Variants in PLXDC2 observed in about 807,000 individuals in gnomAD.
PLXDC2 encodes the protein plexin domain-containing protein 2.
A neutral mutation model predicts 68.9 loss-of-function variants in PLXDC2; 40 were observed. That is an observed-to-expected ratio of 0.58 (90% CI 0.45 to 0.76). PLXDC2 has a LOEUF of 0.76. Among genes scored for constraint, PLXDC2 ranks in the 30% least tolerant of loss-of-function variants. The pLI is 0.00. For missense variants in PLXDC2, 644 were observed against 661.9 expected (o/e 0.97, Z 0.30); for synonymous variants, 243 against 234.2 (o/e 1.04, Z -0.34).
chr10:20,152,586 A>T (rs1208789237), intron 6 of PLXDC2, among the ~76,000 whole-genome samples: 2 of 152,152 alleles, frequency 1.3e-5, no homozygotes, highest in Admixed American at 1.3e-4. Context: ...ACTGTTCATT[A>T]TAATGCATTT....
intron 3 of PLXDC2, among the ~76,000 whole-genome samples, chr10:20,048,912 G>A (rs893410183): frequency 2.0e-4 from 30 of 152,136 alleles, no homozygotes; most frequent in African/African-American, 7.2e-4. Flanking sequence ...TAGTGTGGCA[G>A]TGACGTTGTT....
intron 1 of PLXDC2, among the ~76,000 whole-genome samples, chr10:19,979,861 G>C (rs1180002565): frequency 6.6e-6 from 1 of 152,184 alleles, no homozygotes; most frequent in African/African-American, 2.4e-5. Flanking sequence ...TTTCCACAGT[G>C]GAGAAATGAC....
At chr10:19,843,881 G>A (rs981409290) in intron 1 of PLXDC2, among the ~76,000 whole-genome samples, 12 of 152,176 alleles carry the variant, frequency 7.9e-5, no homozygotes, top group African/African-American at 2.9e-4. Flanking sequence ...GGTGACTGTA[G>A]TTAGCAAAAC....
At chr10:20,261,855 A>AAAT (rs34676534) in intron 13 of PLXDC2, among the ~76,000 whole-genome samples, 5 of 151,236 alleles carry the variant, frequency 3.3e-5, no homozygotes, top group East Asian at 2.0e-4. Flanking sequence ...ACTCCATCTC[A>AAAT]AATAATAATA....
At chr10:20,185,122 A>C (rs1410260129) in intron 9 of PLXDC2, among the ~76,000 whole-genome samples, 1 of 147,962 alleles carries the variant, frequency 6.8e-6, no homozygotes, top group Non-Finnish European at 1.5e-5. Context: ...CTAGGCAACA[A>C]ACCTGCACAT....
intron 1 of PLXDC2, among the ~76,000 whole-genome samples, chr10:19,976,199 GTTGT>G (rs982855109): frequency 2.0e-5 from 3 of 151,832 alleles, no homozygotes; most frequent in South Asian, 2.1e-4. Context: ...TAATTTTTTT[GTTGT>G]TTGTTTTTTT....
rs1001763054 is a variant in PLXDC2 at position 20,283,827 on chromosome 10, T to C, written c.*4008T>C. 4.6e-5 allele frequency: 7 copies of C among 152,224 alleles called. No individual in the cohort carries two copies. Among genetic ancestry groups the C allele is most frequent in the African/African-American group, 1.7e-4 (7 of 41,464 alleles). The allele number at this position is 152,224 out of a possible 1,614,324, so 9.4% of individuals were successfully genotyped here. Reference sequence around the variant, plus strand: ...CTGTAACACTAAGGAGCTATGGCATTAAAATATAAAACTATTTGGAACTTA... The same window carrying C: ...CTGTAACACTAAGGAGCTATGGCATCAAAATATAAAACTATTTGGAACTTA... On this transcript the variant is annotated 3_prime_UTR_variant, in exon 14 of 14. Coordinates refer to ENST00000377252, the MANE Select transcript of PLXDC2 (RefSeq NM_032812.9).
At chr10:19,978,630 A>G (rs1367920191) in intron 1 of PLXDC2, among the ~76,000 whole-genome samples, 3 of 152,240 alleles carry the variant, frequency 2.0e-5, no homozygotes, top group African/African-American at 7.2e-5. Context: ...TTAGAGTTTC[A>G]GAAATATAGC....
chr10:19,994,447 G>C (rs1259412921), intron 1 of PLXDC2, among the ~76,000 whole-genome samples: 2 of 148,002 alleles, frequency 1.4e-5, no homozygotes, highest in African/African-American at 5.0e-5. Context: ...TCCAACCTCA[G>C]CCTCCCACAT....
chr10:19,968,988 T>C (rs867013927), intron 1 of PLXDC2, among the ~76,000 whole-genome samples: 51 of 152,334 alleles, frequency 3.3e-4, no homozygotes, highest in African/African-American at 1.1e-3. Flanking sequence ...CAAATTAGCT[T>C]CTTTGCTGAT....
intron 1 of PLXDC2, among the ~76,000 whole-genome samples, chr10:19,916,224 G>A (rs72785828): frequency 0.046 from 6,832 of 149,420 alleles, 197 homozygotes; most frequent in Middle Eastern, 0.13. Flanking sequence ...ATGGCTCACT[G>A]CAACTTCTGC....
At chr10:20,227,943 C>T (rs374697472) in intron 12 of PLXDC2, among the ~76,000 whole-genome samples, 1 of 152,086 alleles carries the variant, frequency 6.6e-6, no homozygotes, top group African/African-American at 2.4e-5. Flanking sequence ...GAAGTAGAAG[C>T]TACATGAGCT....
intron 10 of PLXDC2, among the ~76,000 whole-genome samples, chr10:20,215,463 G>A (rs1429474957): frequency 1.3e-5 from 2 of 152,084 alleles, no homozygotes; most frequent in East Asian, 3.9e-4. Context: ...TTGGGGAGAA[G>A]AGGGAGGCAG....
intron 1 of PLXDC2, among the ~76,000 whole-genome samples, chr10:19,889,093 T>C (rs1837901335): frequency 1.3e-5 from 2 of 152,114 alleles, no homozygotes; most frequent in Non-Finnish European, 2.9e-5. Context: ...GAGCCCAAAT[T>C]TTGACCCATT....
chr10:20,143,950 T>C (rs780624847), intron 5 of PLXDC2, among the ~76,000 whole-genome samples: 4 of 152,050 alleles, frequency 2.6e-5, no homozygotes, highest in Non-Finnish European at 5.9e-5. Flanking sequence ...ATTTATCAAA[T>C]ATACCAAGAG....
chr10:20,136,665 C>T (rs1206166781), intron 4 of PLXDC2, among the ~76,000 whole-genome samples: 1 of 152,176 alleles, frequency 6.6e-6, no homozygotes, highest in South Asian at 2.1e-4. Flanking sequence ...GTAGAGATAA[C>T]AGTACATAAC....
intron 1 of PLXDC2, among the ~76,000 whole-genome samples, chr10:19,918,701 C>T (rs1833408964): frequency 6.6e-6 from 1 of 152,198 alleles, no homozygotes; most frequent in Non-Finnish European, 1.5e-5. Flanking sequence ...ACAGGCAGTA[C>T]TTTCCCATAC....
intron 1 of PLXDC2, among the ~76,000 whole-genome samples, chr10:19,869,477 G>GA: frequency 8.1e-6 from 1 of 123,060 alleles, no homozygotes; most frequent in African/African-American, 3.0e-5. Context: ...AAGGGGGGGG[G>GA]GGGAGAGGGT....
chr10:20,184,717 T>G (rs2131832860), intron 9 of PLXDC2, among the ~76,000 whole-genome samples: 1 of 152,076 alleles, frequency 6.6e-6, no homozygotes, highest in South Asian at 2.1e-4. Flanking sequence ...AATCTTTTGC[T>G]TCTGAATGAA....
Sources: gnomAD v4.1 joint callset for allele counts (sites outside exome capture counted in the v4.1 genomes callset) on GRCh38, gnomAD v4.1.1 for gene constraint, MANE v1.5 for transcripts, NCBI Gene and HGNC (gene_info 2026-07-23, HGNC 2026-07-21) for gene names.